Variants in ADNP observed in about 807,000 individuals in gnomAD.
ADNP encodes activity-dependent neuroprotector homeobox protein.
Under a neutral mutation model 84.9 loss-of-function variants are expected in ADNP, and 4 were observed. That is an observed-to-expected ratio of 0.05 (90% CI 0.02 to 0.11). The LOEUF is 0.11. Among genes scored for constraint, ADNP ranks in the 10% least tolerant of loss-of-function variants. The pLI is 1.00. For missense variants in ADNP, 1,132 were observed against 1,326.0 expected (o/e 0.85, Z 2.27); for synonymous variants, 554 against 468.1 (o/e 1.18, Z -2.37).
chr20:50,893,754 G>A lies in ADNP; in HGVS notation c.960C>T (p.Asn320=), dbSNP rs774553100. The change falls in exon 6 of 6, where the codon AAC becomes AAT. Residue 320 remains asparagine (N), a synonymous_variant. Transcript: ENST00000621696. The surrounding 1 kb of genome is among the most constrained non-coding windows in gnomAD (Gnocchi z 4.4). ...GCTGCAGATGAACACTGGACATCAT[G>A]TTGACTCCTGTAGAATTTAAGTTAG... ...PKPNLNSTGV[N]MMSSVHLQQN... 2 of 1,614,150 alleles carry A rather than the reference G, an allele frequency of 1.2e-6. No individual in the cohort carries two copies. The highest frequency in any genetic ancestry group is 8.5e-7 in the Non-Finnish European group (1 of 1,180,036).
intron 5 of ADNP, among the ~76,000 whole-genome samples, chr20:50,895,278 T>C (rs1011892945): frequency 6.6e-6 from 1 of 152,256 alleles, no homozygotes; most frequent in African/African-American, 2.4e-5. Context: ...CTAGGCTACA[T>C]GGCATAGCTT....
rs200732604 is a variant in ADNP, at chr20:50,893,551, G to A, written c.1163C>T (p.Ala388Val). Residue 388 changes from alanine (A) to valine (V), a missense_variant, in exon 6 of 6, where the codon GCA (alanine) becomes GTA (valine). Physicochemically the swap from Ala to Val is moderately conservative, Grantham distance 64 (BLOSUM62 0). This residue lies in a region of ADNP where 239 missense variants were observed against 213.2 expected (regional missense o/e 1.12). Coordinates refer to ENST00000621696, the MANE Select transcript of ADNP (RefSeq NM_001282531.3). This position sits in a 1 kb window ranked among gnomAD's most constrained non-coding sequence, Gnocchi z 4.4. ...YGLGSEQRSQ[A>V]PARYSLQSAN... ...AGACTGCAGGGAGTATCTTGCTGGT[G>A]CCTGGGACCTCTGCTCTGACCCAAG... 1.7e-4 allele frequency: 277 copies of A among 1,613,952 alleles called. No homozygotes were observed. Among genetic ancestry groups the A allele is most frequent in the Admixed American group, 4.7e-4 (28 of 60,012 alleles).
intron 2 of ADNP, among the ~76,000 whole-genome samples, chr20:50,922,390 T>TC (rs1304189046): frequency 2.0e-5 from 3 of 152,124 alleles, no homozygotes; most frequent in East Asian, 3.9e-4. Context: ...CAAGACCCCC[T>TC]CCTTGAGTTC....
chr20:50,924,859 C>T (rs917604355), intron 2 of ADNP, among the ~76,000 whole-genome samples: 6 of 152,194 alleles, frequency 3.9e-5, no homozygotes, highest in South Asian at 4.1e-4. Flanking sequence ...TTTTAGATTA[C>T]GTGTATGCTT....
chr20:50,897,071 G>A (rs980068753), intron 5 of ADNP, among the ~76,000 whole-genome samples: 2 of 152,116 alleles, frequency 1.3e-5, no homozygotes, highest in Non-Finnish European at 2.9e-5. Context: ...CCTCGTGGCT[G>A]GGATTACAGG....
intron 2 of ADNP, among the ~76,000 whole-genome samples, chr20:50,916,271 G>A (rs532649942): frequency 2.3e-4 from 35 of 152,272 alleles, no homozygotes; most frequent in African/African-American, 8.2e-4. Flanking sequence ...AAGATGCTCT[G>A]AAAGATTGTT....
At chr20:50,930,304 T>C (rs1487192092) in intron 1 of ADNP, among the ~76,000 whole-genome samples, 1 of 152,000 alleles carries the variant, frequency 6.6e-6, no homozygotes, top group Non-Finnish European at 1.5e-5. Flanking sequence ...GAAGAAGGAT[T>C]GCACAGGGGA....
chr20:50,923,112 G>A (rs1290854226), intron 2 of ADNP, among the ~76,000 whole-genome samples: 1 of 152,154 alleles, frequency 6.6e-6, no homozygotes, highest in Non-Finnish European at 1.5e-5. Flanking sequence ...GGGGTTATGG[G>A]TGTTATGAGC....
At chr20:50,912,095 G>C (rs898037278) in intron 2 of ADNP, among the ~76,000 whole-genome samples, 3 of 152,090 alleles carry the variant, frequency 2.0e-5, no homozygotes, top group African/African-American at 7.2e-5. Context: ...AGCTACACAA[G>C]GATCCTTACT....
intron 2 of ADNP, among the ~76,000 whole-genome samples, chr20:50,923,071 C>T (rs908895555): frequency 3.3e-5 from 5 of 152,182 alleles, no homozygotes; most frequent in African/African-American, 1.2e-4. Flanking sequence ...TGAGACCTAA[C>T]GTACCCTATA....
intron 2 of ADNP, among the ~76,000 whole-genome samples, chr20:50,922,575 T>A (rs1179662381): frequency 1.5e-5 from 2 of 133,670 alleles, no homozygotes; most frequent in Non-Finnish European, 1.5e-5. Flanking sequence ...CCAGTCCTCC[T>A]GCGTTTTTTT....
intron 1 of ADNP, among the ~76,000 whole-genome samples, chr20:50,930,390 G>A (rs1388865649): frequency 6.6e-6 from 1 of 151,978 alleles, no homozygotes; most frequent in African/African-American, 2.4e-5. Context: ...GTAAGGGTGG[G>A]CAGACCTGGC....
At chr20:50,897,220 C>T (rs756638171) in intron 5 of ADNP, among the ~76,000 whole-genome samples, 1 of 152,184 alleles carries the variant, frequency 6.6e-6, no homozygotes, top group Non-Finnish European at 1.5e-5. Context: ...GGATTACAGG[C>T]GTGAGCCACC....
intron 2 of ADNP, among the ~76,000 whole-genome samples, chr20:50,909,255 AG>A (rs745938950): frequency 2.0e-5 from 3 of 148,096 alleles, no homozygotes; most frequent in Non-Finnish European, 4.5e-5. Flanking sequence ...TCCTACTACT[AG>A]GAAGGCTGAG....
chr20:50,917,943 T>C (rs992388471), intron 2 of ADNP, among the ~76,000 whole-genome samples: 4 of 152,052 alleles, frequency 2.6e-5, no homozygotes, highest in African/African-American at 9.7e-5. Flanking sequence ...ATGAATAAAA[T>C]CAATCACAAA....
chr20:50,898,507 A>G (rs1981639352), intron 5 of ADNP, among the ~76,000 whole-genome samples: 1 of 152,246 alleles, frequency 6.6e-6, no homozygotes. Context: ...CCTTCAATGA[A>G]GCAGATGCTT....
At chr20:50,914,063 C>G (rs1983307412) in intron 2 of ADNP, 1 of 742,776 alleles carries the variant, frequency 1.3e-6, no homozygotes, top group Admixed American at 1.9e-5. Flanking sequence ...CTACATCATG[C>G]AGCTTCCAAA....
rs375071944 is a variant in ADNP, at chr20:50,891,967, A to G, written c.2747T>C (p.Ile916Thr). Residue 916 changes from isoleucine (I) to threonine (T), a missense_variant, in exon 6 of 6, where the codon ATT (isoleucine) becomes ACT (threonine). Ile to Thr is a moderately conservative substitution (Grantham distance 89). Around this residue, in one of 10 missense-constraint regions of ADNP, gnomAD observed 381 missense variants for 319.9 expected, o/e 1.19. Coordinates refer to ENST00000621696, the MANE Select transcript of ADNP (RefSeq NM_001282531.3). The stretch of plus-strand genomic sequence containing the variant: ...CTCAGATTCTGAAGCATCCTCAGGA[A>G]TTACCTTCAGTACATGTTCCTCTGG... ...DNPEEHVLKV[I>T]PEDASESEEK... 26 of 1,614,094 alleles carry G rather than the reference A, an allele frequency of 1.6e-5. No individual in the cohort carries two copies. The highest frequency in any genetic ancestry group is 2.0e-5 in the Non-Finnish European group (24 of 1,180,042).
chr20:50,914,600 TCTA>T (rs1230848755), intron 2 of ADNP, among the ~76,000 whole-genome samples: 1 of 152,222 alleles, frequency 6.6e-6, no homozygotes, highest in African/African-American at 2.4e-5. Flanking sequence ...TGCTGACTGT[TCTA>T]CTGTTGTCAC....
Sources: gnomAD v4.1 joint callset for allele counts (sites outside exome capture counted in the v4.1 genomes callset) on GRCh38, gnomAD v4.1.1 for gene constraint, gnomAD v4.1.1 regional missense constraint, Gnocchi (gnomAD v3.1) non-coding constraint, MANE v1.5 for transcripts, NCBI Gene and HGNC (gene_info 2026-07-23, HGNC 2026-07-21) for gene names.